The following FBLN1 variants were observed in gnomAD, a reference collection of about 807,000 sequenced individuals.
The protein encoded by FBLN1 is fibulin 1.
In FBLN1, 34 loss-of-function variants were observed where a neutral mutation model predicts 89.7. The observed-to-expected ratio is 0.38, with a 90% CI of 0.29 to 0.50. The LOEUF (loss-of-function observed/expected upper bound fraction) is 0.50. Ranked by LOEUF, FBLN1 falls within the 20% of genes least tolerant of loss-of-function variation. The pLI is 0.92. For synonymous variants in FBLN1, 393 were observed against 391.3 expected, an observed-to-expected ratio of 1.00 and a Z score of -0.05; for missense variants, 777 against 988.1, an observed-to-expected ratio of 0.79 and a Z score of 2.86.
At chr22:45,582,747 T>C (rs187194189) in intron 16 of FBLN1, among the ~76,000 whole-genome samples, 68 of 152,356 alleles carry the variant, frequency 4.5e-4, no homozygotes, top group Non-Finnish European at 8.5e-4. Flanking sequence ...TGCACAGTTG[T>C]TTCTGGGCAA....
rs1416290836 is a variant in FBLN1 at position 45,568,925 on chromosome 22, C to T, written c.1698-5586C>T. On this transcript the variant is annotated intron_variant, in intron 14 of 16. Coordinates refer to ENST00000327858, the MANE Select transcript of FBLN1 (RefSeq NM_006486.3). Reference sequence around the variant, plus strand: ...TGGTGATCATTGGTGTTCCTTGGCTCGCAGCTACATCGCTGCAATCTCTGC... The same window carrying T: ...TGGTGATCATTGGTGTTCCTTGGCTTGCAGCTACATCGCTGCAATCTCTGC... Among the ~76,000 whole-genome samples the T allele has an allele frequency of 4.6e-5, 7 of 152,212 alleles. No homozygotes were observed. In the East Asian group the frequency reaches 5.8e-4, roughly 13 times the overall value.
chr22:45,563,177 C>T lies in FBLN1; in HGVS notation c.1698-11334C>T. On this transcript the variant is annotated intron_variant, in intron 14 of 16. Coordinates refer to ENST00000327858, the MANE Select transcript of FBLN1 (RefSeq NM_006486.3). This position sits in a 1 kb window ranked among gnomAD's most constrained non-coding sequence, Gnocchi z 5.7. Reference sequence around the variant, plus strand: ...GCCTGTCCCCGAGCCCAGGGACTTGCTCCTGACCGTCAAGATGGATCTCTC... The same window carrying T: ...GCCTGTCCCCGAGCCCAGGGACTTGTTCCTGACCGTCAAGATGGATCTCTC... 6.2e-7 allele frequency: 1 copy of T among 1,613,762 alleles called. No individual in the cohort carries two copies. Among genetic ancestry groups the T allele is most frequent in the Non-Finnish European group, 8.5e-7 (1 of 1,180,022 alleles).
Position 45,530,060 on chromosome 22 carries a change from C to T in FBLN1, c.485-1205C>T, listed in dbSNP as rs778310476. 6.7e-6 allele frequency among the ~76,000 whole-genome samples: 1 copy of T among 148,976 alleles called. No individual in the cohort carries two copies. The highest frequency in any genetic ancestry group is 2.6e-5 in the African/African-American group (1 of 39,152). On this transcript the variant is annotated intron_variant, in intron 4 of 16. Transcript: ENST00000327858. The surrounding 1 kb of genome is among the most constrained non-coding windows in gnomAD (Gnocchi z 5.4). ...CTGGTCACAGAGGACCCGGGTCACC[C>T]GGGACTCATCTTTCACTTATTGTTC...
rs1173544165 is a variant in FBLN1, at chr22:45,580,277, C to T, written c.1972+3169C>T. Among the ~76,000 whole-genome samples, 1 of 152,144 alleles carries T rather than the reference C, an allele frequency of 6.6e-6. No homozygotes were observed. Among genetic ancestry groups the T allele is most frequent in the Non-Finnish European group, 1.5e-5 (1 of 68,030 alleles). On this transcript the variant is annotated intron_variant, in intron 16 of 16. Coordinates refer to ENST00000327858, the MANE Select transcript of FBLN1 (RefSeq NM_006486.3). The surrounding 1 kb of genome is among the most constrained non-coding windows in gnomAD (Gnocchi z 8.6). The stretch of plus-strand genomic sequence containing the variant: ...CTCCTGGTGGGGAGCGTGGGAGGCT[C>T]TTGAGCCTCCTGGGCAGCCCCGTGC...
chr22:45,554,749 G>A (rs2088756648), intron 14 of FBLN1, among the ~76,000 whole-genome samples: 1 of 152,214 alleles, frequency 6.6e-6, no homozygotes. Context: ...CCTGGGCCAG[G>A]TCCTCTGGGG....
chr22:45,574,634 C>G lies in FBLN1; in HGVS notation c.1821C>G (p.Arg607=). ...CCGTCATCTCGCTGCCTACCTTCCG[C>G]GAGTTCACCCGCCCTGAAGGTGAGT... ...SHTVISLPTF[R]EFTRPEEIIF... is the part of the protein sequence containing the mutation. The change falls in exon 15 of 17, where the codon CGC becomes CGG. Residue 607 remains arginine, a synonymous_variant. Transcript: ENST00000327858. The surrounding 1 kb of genome is among the most constrained non-coding windows in gnomAD (Gnocchi z 4.1). 1 of 1,613,954 alleles carries G rather than the reference C, an allele frequency of 6.2e-7. No homozygotes were observed. The highest frequency in any genetic ancestry group is 8.5e-7 in the Non-Finnish European group (1 of 1,179,998).
intron 14 of FBLN1, among the ~76,000 whole-genome samples, chr22:45,573,889 T>G (rs1265353606): frequency 6.6e-6 from 1 of 152,102 alleles, no homozygotes; most frequent in Non-Finnish European, 1.5e-5. Flanking sequence ...TTTGTGTAAT[T>G]TTGTATCCGT....
At position 45,561,284 on chromosome 22, in the gene FBLN1, A is replaced by G. The variant is rs918178396; in HGVS notation, c.1697+10669A>G. 2.6e-5 allele frequency among the ~76,000 whole-genome samples: 4 copies of G among 152,184 alleles called. No homozygotes were observed. The highest frequency in any genetic ancestry group is 5.9e-5 in the Non-Finnish European group (4 of 68,026). The stretch of plus-strand genomic sequence containing the variant: ...GGAGATAAGACTCTCACTCAGGGCA[A>G]TCTTAGCAGATTTGAGGCTCAGTAT... On this transcript the variant is annotated intron_variant, in intron 14 of 16. Transcript: ENST00000327858. The surrounding 1 kb of genome is among the most constrained non-coding windows in gnomAD (Gnocchi z 4.7).
intron 13 of FBLN1, 135 bp downstream of exon 13, chr22:45,548,879 A>G: frequency 7.1e-7 from 1 of 1,403,508 alleles, no homozygotes; most frequent in Non-Finnish European, 9.7e-7. Context: ...ATTCAGGAAA[A>G]GGAGGCCCAC....
chr22:45,594,094 A>G, intron 16 of FBLN1, among the ~76,000 whole-genome samples: 1 of 131,400 alleles, frequency 7.6e-6, no homozygotes, highest in Non-Finnish European at 1.5e-5. Flanking sequence ...AGACATGGCA[A>G]ATCAGAGTCT....
intron 3 of FBLN1, 138 bp downstream of exon 3, chr22:45,525,816 G>C (rs1242888942): frequency 8.4e-7 from 1 of 1,184,978 alleles, no homozygotes; most frequent in Non-Finnish European, 1.2e-6. Context: ...GGGGTTCCTG[G>C]GCCAGGAGGG....
At position 45,562,775 on chromosome 22, in the gene FBLN1, CT is replaced by C; in HGVS notation, c.1698-11734del. On this transcript the variant is annotated intron_variant, in intron 14 of 16. Coordinates refer to ENST00000327858, the MANE Select transcript of FBLN1 (RefSeq NM_006486.3). The surrounding 1 kb of genome is among the most constrained non-coding windows in gnomAD (Gnocchi z 7.8). Reference sequence around the variant, plus strand: ...CTCCCGCAGGTGAGTGAGGTGTGCCCTTCGTGTTGGCTGAATCGGCCAGAGG... The same window carrying C: ...CTCCCGCAGGTGAGTGAGGTGTGCCCTCGTGTTGGCTGAATCGGCCAGAGG... The C allele has an allele frequency of 1.2e-6, 1 of 857,722 alleles. No individual in the cohort carries two copies. The highest frequency in any genetic ancestry group is 1.3e-5 in the South Asian group (1 of 74,712). The allele number at this position is 857,722 out of a possible 1,614,324, so 53.1% of individuals were successfully genotyped here.
At chr22:45,587,433 T>C (rs947429580) in intron 16 of FBLN1, among the ~76,000 whole-genome samples, 1 of 151,122 alleles carries the variant, frequency 6.6e-6, no homozygotes, top group Non-Finnish European at 1.5e-5. Context: ...CCATCCCCGC[T>C]GCCCGGCCAG....
In FBLN1 at chr22:45,576,875, G is replaced by A; in HGVS notation, c.1841-102G>A. On this transcript the variant is annotated intron_variant, in intron 15 of 16. Transcript: ENST00000327858. The surrounding 1 kb of genome is among the most constrained non-coding windows in gnomAD (Gnocchi z 5.2). The stretch of plus-strand genomic sequence containing the variant: ...GATGTTGTCTCATGAAAGGGCCCTG[G>A]GTTAGGTCTTCATTCCCCAAGGGTG... The A allele has an allele frequency of 7.0e-7, 1 of 1,424,126 alleles. No individual in the cohort carries two copies. Among genetic ancestry groups the A allele is most frequent in the Non-Finnish European group, 9.7e-7 (1 of 1,026,994 alleles). The allele number at this position is 1,424,126 out of a possible 1,614,324, so 88.2% of individuals were successfully genotyped here.
At chr22:45,573,224 CAAAT>C (rs531457672) in intron 14 of FBLN1, among the ~76,000 whole-genome samples, 13 of 150,836 alleles carry the variant, frequency 8.6e-5, no homozygotes, top group African/African-American at 2.9e-4. Context: ...AACTCCGTCT[CAAAT>C]AAATAAATAA....
intron 16 of FBLN1, among the ~76,000 whole-genome samples, chr22:45,591,071 C>T (rs2089132269): frequency 6.6e-6 from 1 of 152,170 alleles, no homozygotes; most frequent in Admixed American, 6.5e-5. Context: ...AAGGAGGTGC[C>T]TCAGACAGCA....
At chr22:45,503,192 T>C (rs2146930269) in intron 1 of FBLN1, 128 bp downstream of exon 1, 1 of 395,604 alleles carries the variant, frequency 2.5e-6, no homozygotes, top group Non-Finnish European at 3.5e-6. Flanking sequence ...CCCCGGACTG[T>C]CAGCGCCGAG....
chr22:45,515,525 G>A (rs1212101154), intron 1 of FBLN1, among the ~76,000 whole-genome samples: 1 of 152,144 alleles, frequency 6.6e-6, no homozygotes, highest in African/African-American at 2.4e-5. Context: ...TGCAGCTCTG[G>A]GTGCAAAATT....
rs1185895545 is a variant in FBLN1 at position 45,525,620 on chromosome 22, A to G, written c.263A>G (p.Gln88Arg). The G allele has an allele frequency of 5.2e-6, 8 of 1,551,114 alleles. No individual in the cohort carries two copies. The highest frequency in any genetic ancestry group is 6.1e-6 in the Non-Finnish European group (7 of 1,146,958). ...CATGISLANE[Q>R]DRCATPHGDN... Reference sequence around the variant, plus strand: ...ACGGGCATCAGCCTGGCCAACGAGCAGGACCGCTGTGCCACGCCCCACGGT... The same window carrying G: ...ACGGGCATCAGCCTGGCCAACGAGCGGGACCGCTGTGCCACGCCCCACGGT... Residue 88 changes from glutamine to arginine, a missense_variant, in exon 3 of 17, where the codon CAG becomes CGG. Transcript: ENST00000327858.
Sources: gnomAD v4.1 joint callset for allele counts (sites outside exome capture counted in the v4.1 genomes callset) on GRCh38, gnomAD v4.1.1 for gene constraint, Gnocchi (gnomAD v3.1) non-coding constraint, MANE v1.5 for transcripts, NCBI Gene and HGNC (gene_info 2026-07-23, HGNC 2026-07-21) for gene names.